MPND: variants seen among roughly 807,000 people sequenced by gnomAD.
MPND encodes the protein MPN domain-containing protein.
MPND carries 56 observed loss-of-function variants against 59.2 expected under a neutral mutation model. The observed-to-expected ratio is 0.95, with a 90% CI of 0.76 to 1.18. MPND has a LOEUF of 1.18. Ranked by LOEUF, MPND falls within the 50% of genes most tolerant of loss-of-function variation. The probability of loss-of-function intolerance (pLI) is 0.00; values close to 1 mark genes in which losing one functional copy is unlikely to be tolerated. For missense variants in MPND, 671 were observed against 676.0 expected (o/e 0.99, Z 0.08); for synonymous variants, 323 against 291.9 (o/e 1.11, Z -1.09).
chr19:4,350,687 G>A (rs1322190486), intron 3 of MPND, among the ~76,000 whole-genome samples: 1 of 152,208 alleles, frequency 6.6e-6, no homozygotes, highest in Non-Finnish European at 1.5e-5. Context: ...TGGGGGTTCA[G>A]TGGGGCCCAG....
intron 3 of MPND, among the ~76,000 whole-genome samples, chr19:4,351,572 A>G (rs1484860122): frequency 1.3e-5 from 2 of 152,024 alleles, no homozygotes; most frequent in African/African-American, 4.8e-5. Context: ...AGATAAGAAT[A>G]GACTTGGCGG....
intron 5 of MPND, 88 bp from the exon 6 acceptor site, chr19:4,354,236 C>A: frequency 2.0e-6 from 3 of 1,487,406 alleles, no homozygotes; most frequent in Non-Finnish European, 2.8e-6. Flanking sequence ...CTCAGATCCT[C>A]AGAGCTGTGG....
intron 10 of MPND, 130 bp from the exon 11 acceptor site, chr19:4,357,953 G>A: frequency 1.4e-6 from 1 of 715,568 alleles, no homozygotes; most frequent in Non-Finnish European, 2.4e-6. Flanking sequence ...ACCACCAGGT[G>A]CCGATCCCGG....
At chr19:4,348,595 T>A (rs1972243132) in intron 3 of MPND, 1 of 152,450 alleles carries the variant, frequency 6.6e-6, no homozygotes, top group Non-Finnish European at 1.5e-5. Context: ...AGTTTCTTTT[T>A]ATCGTAATCA....
intron 3 of MPND, among the ~76,000 whole-genome samples, chr19:4,346,770 C>G (rs553190190): frequency 6.6e-6 from 1 of 151,688 alleles, no homozygotes; most frequent in African/African-American, 2.4e-5. Context: ...GTGGCTCATG[C>G]CTGTAATCCC....
intron 3 of MPND, 57 bp from the exon 4 acceptor site, chr19:4,352,840 G>GA (rs111765325): frequency 0.32 from 412,747 of 1,291,544 alleles, 69,740 homozygotes; most frequent in East Asian, 0.64. Context: ...TTAGCAGGGA[G>GA]CGGGGGGGCA....
intron 7 of MPND, 31 bp downstream of exon 7, chr19:4,355,052 G>T (rs762326423): frequency 2.5e-6 from 4 of 1,611,384 alleles, no homozygotes; most frequent in Non-Finnish European, 3.4e-6. Flanking sequence ...GGGCGGGGGC[G>T]TTGGAGGACC....
chr19:4,359,118 C>T, intron 11 of MPND, 45 bp from the exon 12 acceptor site: 1 of 1,437,094 alleles, frequency 7.0e-7, no homozygotes, highest in South Asian at 1.1e-5. Flanking sequence ...TGAGGTACCT[C>T]AGGCTTGGAG....
intron 3 of MPND, among the ~76,000 whole-genome samples, chr19:4,351,198 G>A (rs1012694880): frequency 1.3e-5 from 2 of 152,140 alleles, no homozygotes; most frequent in African/African-American, 4.8e-5. Context: ...CCGCCTCCCG[G>A]GTTCAAGTGA....
intron 3 of MPND, among the ~76,000 whole-genome samples, chr19:4,352,582 G>T (rs1274872690): frequency 6.6e-6 from 1 of 152,166 alleles, no homozygotes; most frequent in Non-Finnish European, 1.5e-5. Context: ...TACTCAGGAG[G>T]CTGAGGCAGG....
intron 3 of MPND, among the ~76,000 whole-genome samples, chr19:4,352,377 G>A (rs1045489654): frequency 1.3e-5 from 2 of 152,104 alleles, no homozygotes; most frequent in African/African-American, 2.4e-5. Flanking sequence ...AGGTTGCGCA[G>A]GGCTTGTATT....
chr19:4,359,284 A>C, intron 12 of MPND, 29 bp downstream of exon 12: 2 of 1,583,932 alleles, frequency 1.3e-6, no homozygotes, highest in Non-Finnish European at 1.7e-6. Flanking sequence ...CAGACCTCCT[A>C]ACGGGGCCCC....
rs1972468276 is a variant in MPND at position 4,357,520 on chromosome 19, T to C, written c.1171T>C (p.Tyr391His). The C allele has an allele frequency of 1.9e-6, 3 of 1,613,754 alleles. No individual in the cohort carries two copies. Among genetic ancestry groups the C allele is most frequent in the Non-Finnish European group, 2.5e-6 (3 of 1,179,872 alleles). ...QPCLALLCSP[Y>H]YSGNPGPESK... ...CTCTCCCTCTCTCCCGCCAGCCCCT[T>C]ACTATTCTGGCAACCCAGGCCCCGA... Residue 391 changes from tyrosine to histidine, a missense_variant, in exon 10 of 13, where the codon TAC becomes CAC. By Grantham distance (83) the Tyr-to-His change is moderately conservative. Coordinates refer to ENST00000599840, the MANE Select transcript of MPND (RefSeq NM_001300862.2).
At chr19:4,359,776 G>C in intron 12 of MPND, 140 bp from the exon 13 acceptor site, 1 of 633,114 alleles carries the variant, frequency 1.6e-6, no homozygotes, top group Non-Finnish European at 2.7e-6. Context: ...GTAAGCAGCA[G>C]GCTGTGCTGC....
Position 4,351,585 on chromosome 19 carries a change from G to A in MPND, c.532-1312G>A, listed in dbSNP as rs1484434605. Among the ~76,000 whole-genome samples the A allele has an allele frequency of 4.6e-5, 7 of 152,162 alleles. No individual in the cohort carries two copies. In the East Asian group the frequency reaches 7.7e-4, roughly 17 times the overall value. ...ACAGATAAGAATAGACTTGGCGGCC[G>A]GGCACGGTGGCTCACGCCTTTAATC... On this transcript the variant is annotated intron_variant, in intron 3 of 12. Transcript: ENST00000599840.
At chr19:4,355,601 C>A (rs1237025810) in intron 8 of MPND, among the ~76,000 whole-genome samples, 1 of 151,996 alleles carries the variant, frequency 6.6e-6, no homozygotes, top group African/African-American at 2.4e-5. Flanking sequence ...TCCCAAAGTG[C>A]TGGGATTACA....
rs866085091 is a variant in MPND, at chr19:4,354,379, C to T, written c.805C>T (p.Pro269Ser). The T allele has an allele frequency of 9.0e-6, 14 of 1,562,128 alleles. No homozygotes were observed. The highest frequency in any genetic ancestry group is 1.2e-5 in the Non-Finnish European group (14 of 1,151,720). ...TSFAAINKFQ[P>S]FNVAVSSNVL... Reference sequence around the variant, plus strand: ...CTTTGCAGCCATCAACAAGTTCCAGCCGTTCAACGTGGCTGTTTCTAGCAA... The same window carrying T: ...CTTTGCAGCCATCAACAAGTTCCAGTCGTTCAACGTGGCTGTTTCTAGCAA... Residue 269 changes from proline to serine, a missense_variant, in exon 6 of 13, where the codon CCG (proline) becomes TCG (serine). Physicochemically the swap from Pro to Ser is moderately conservative, Grantham distance 74. Coordinates refer to ENST00000599840, the MANE Select transcript of MPND (RefSeq NM_001300862.2).
At position 4,357,495 on chromosome 19, in the gene MPND, CT is replaced by C. The variant is rs1166003058; in HGVS notation, c.1166-19del. 35 of 1,611,904 alleles carry C rather than the reference CT, an allele frequency of 2.2e-5. No homozygotes were observed. The highest frequency in any genetic ancestry group is 2.5e-5 in the Non-Finnish European group (30 of 1,179,116). On this transcript the variant is annotated intron_variant, in intron 9 of 12. Coordinates refer to ENST00000599840, the MANE Select transcript of MPND (RefSeq NM_001300862.2). The stretch of plus-strand genomic sequence containing the variant: ...CAGCCGAGCCTCCCAGGGCCAACCC[CT>C]CTCCCTCTCTCCCGCCAGCCCCTTA...
intron 8 of MPND, among the ~76,000 whole-genome samples, chr19:4,355,874 T>C (rs10420217): frequency 0.35 from 48,984 of 138,064 alleles, 8,708 homozygotes; most frequent in East Asian, 0.7. Context: ...TTTTTTTTCT[T>C]GAGACATTCT....
Sources: gnomAD v4.1 joint callset for allele counts (sites outside exome capture counted in the v4.1 genomes callset) on GRCh38, gnomAD v4.1.1 for gene constraint, MANE v1.5 for transcripts, NCBI Gene and HGNC (gene_info 2026-07-23, HGNC 2026-07-21) for gene names.